The following SAA2 variants were observed in gnomAD, a reference collection of about 807,000 sequenced individuals.
SAA2 encodes the protein serum amyloid A2, also known as serum amyloid A-2 protein.
Under a neutral mutation model 9.1 loss-of-function variants are expected in SAA2, and 5 were observed. That is an observed-to-expected ratio of 0.55 (90% CI 0.29 to 1.16). SAA2 has a LOEUF of 1.16. Ranked by LOEUF, SAA2 falls within the 50% of genes most tolerant of loss-of-function variation. The pLI, the probability that SAA2 is intolerant of heterozygous loss-of-function variation, is 0.09. For synonymous variants in SAA2, 49 were observed against 59.8 expected (o/e 0.82, Z 0.83); for missense variants, 94 against 153.8 (o/e 0.61, Z 2.06).
downstream of SAA2, among the ~76,000 whole-genome samples, chr11:18,240,695 A>G (rs566100375): frequency 2.2e-4 from 33 of 152,194 alleles, no homozygotes; most frequent in Non-Finnish European, 4.6e-4. Flanking sequence ...ATGAAATTTT[A>G]TATCTCTCAT....
downstream of SAA2, chr11:18,242,922 G>A: frequency 1.5e-6 from 1 of 658,016 alleles, no homozygotes; most frequent in Non-Finnish European, 2.8e-6. Context: ...TTCTAACAGA[G>A]AGAAGCATGT....
At chr11:18,239,423 G>A in exon 4 of SAA2, 1 of 330,764 alleles carries the variant, frequency 3.0e-6, no homozygotes, top group Non-Finnish European at 5.5e-6. Context: ...GCTAGTTTTT[G>A]TATCCACACC....
intron 2 of SAA2, among the ~76,000 whole-genome samples, chr11:18,246,943 G>A (rs7127784): frequency 0.023 from 3,522 of 152,022 alleles, 30 homozygotes; most frequent in African/African-American, 0.081. Flanking sequence ...GTGATGCCAA[G>A]GTGTGTCTGA....
chr11:18,242,627 C>G (rs545416316), downstream of SAA2: 43 of 582,340 alleles, frequency 7.4e-5, no homozygotes, highest in African/African-American at 7.6e-4. Context: ...AGGCAGATCA[C>G]TTGAGCCCAG....
chr11:18,242,657 G>A (rs183284853), downstream of SAA2: 1,148 of 626,190 alleles, frequency 1.8e-3, no homozygotes, highest in Middle Eastern at 3.7e-3. Flanking sequence ...ACCAGCCTGG[G>A]TGACACGGCG....
intron 1 of SAA2, 78 bp from the exon 2 acceptor site, chr11:18,248,093 C>T: frequency 6.8e-7 from 1 of 1,478,546 alleles, no homozygotes; most frequent in Non-Finnish European, 9.3e-7. Flanking sequence ...CCGACGAGAG[C>T]CTGGTTATTT....
intron 3 of SAA2, 120 bp downstream of exon 3, chr11:18,245,790 G>A (rs1857500568): frequency 6.9e-7 from 1 of 1,441,764 alleles, no homozygotes; most frequent in Admixed American, 2.6e-5. Context: ...GCAGAGAGAG[G>A]GCAAGAAGAG....
intron 1 of SAA2, chr11:18,248,367 G>T (rs376024044): frequency 0.052 from 11,661 of 225,614 alleles, 589 homozygotes; most frequent in African/African-American, 0.17. Context: ...CACAAAGCAG[G>T]ATCATTATTT....
chr11:18,242,483 T>C (rs1857375193), downstream of SAA2: 33 of 393,220 alleles, frequency 8.4e-5, no homozygotes, highest in East Asian at 1.3e-3. Flanking sequence ...TAATCTCCTC[T>C]GGAAACACCC....
intron 3 of SAA2, 138 bp from the exon 4 acceptor site, chr11:18,245,653 C>A (rs568193056): frequency 4.2e-5 from 58 of 1,389,816 alleles, no homozygotes; most frequent in Non-Finnish European, 3.6e-5. Flanking sequence ...AAACACTGAC[C>A]CTGCCTGGGC....
At position 18,247,952 on chromosome 11, in the gene SAA2, G is replaced by A. The variant is rs141968490; in HGVS notation, c.60C>T (p.Ser20=). 6.2e-7 allele frequency: 1 copy of A among 1,613,800 alleles called. No homozygotes were observed. Among genetic ancestry groups the A allele is most frequent in the Non-Finnish European group, 8.5e-7 (1 of 1,179,836 alleles). Reference sequence around the variant, plus strand: ...AAGCCTCGCCAAGGAACGAAAAGAAGCTTCGGCTGCTGACACTCAGGACCA... The same window carrying A: ...AAGCCTCGCCAAGGAACGAAAAGAAACTTCGGCTGCTGACACTCAGGACCA... ...CSLVLSVSSR[S]FFSFLGEAFD... Residue 20 remains serine (S), a synonymous_variant, in exon 2 of 4, where the codon AGC becomes AGT. Coordinates refer to ENST00000256733, the MANE Select transcript of SAA2 (RefSeq NM_030754.5).
chr11:18,244,263 C>A (rs1291512444), downstream of SAA2, among the ~76,000 whole-genome samples: 1 of 152,210 alleles, frequency 6.6e-6, no homozygotes, highest in Non-Finnish European at 1.5e-5. Flanking sequence ...CAGAGCACTG[C>A]CACTTCCACA....
chr11:18,244,579 T>A (rs180740969), downstream of SAA2, among the ~76,000 whole-genome samples: 35 of 152,318 alleles, frequency 2.3e-4, no homozygotes, highest in Admixed American at 2.2e-3. Context: ...AATTTCCCTT[T>A]TCAAATTACT....
rs1474293102 is a variant in SAA2, at chr11:18,245,624, G to A, written c.231-109C>T. 6 of 1,464,094 alleles carry A rather than the reference G, an allele frequency of 4.1e-6. No individual in the cohort carries two copies. The African/African-American group carries it at 4.2e-5, about 10-fold the overall frequency. The allele number at this position is 1,464,094 out of a possible 1,614,324, so 90.7% of individuals were successfully genotyped here. A position where few individuals can be genotyped will look rare whatever the true frequency, so the allele number is the denominator to read the frequency against. Reference sequence around the variant, plus strand: ...AGGGCTCAGAGAGGAGCCCAGAAAGGCCAAGGAAGGAGGAGTGAAAACACT... The same window carrying A: ...AGGGCTCAGAGAGGAGCCCAGAAAGACCAAGGAAGGAGGAGTGAAAACACT... On this transcript the variant is annotated intron_variant, in intron 3 of 3. Transcript: ENST00000256733.
At chr11:18,243,562 C>A (rs1857411811), downstream of SAA2, among the ~76,000 whole-genome samples, 1 of 152,190 alleles carries the variant, frequency 6.6e-6, no homozygotes, top group Admixed American at 6.5e-5. Context: ...ATTTATCTTG[C>A]CCTTGCCTTG....
chr11:18,238,967 A>T (rs1857269114), downstream of SAA2, among the ~76,000 whole-genome samples: 1 of 152,106 alleles, frequency 6.6e-6, no homozygotes, highest in Non-Finnish European at 1.5e-5. Context: ...AATGACCTCC[A>T]GTTCCATCCT....
chr11:18,241,746 A>G (rs1857353227), downstream of SAA2, among the ~76,000 whole-genome samples: 1 of 152,180 alleles, frequency 6.6e-6, no homozygotes, highest in African/African-American at 2.4e-5. Flanking sequence ...CTGGAGACTC[A>G]GAAAGATGGA....
At chr11:18,239,797 C>A in exon 4 of SAA2, 1 of 927,340 alleles carries the variant, frequency 1.1e-6, no homozygotes, top group Non-Finnish European at 1.6e-6. Flanking sequence ...CAGTCTCCAT[C>A]CACATGCTGA....
chr11:18,242,652 C>T (rs1857381332), downstream of SAA2: 1 of 621,864 alleles, frequency 1.6e-6, no homozygotes, highest in Non-Finnish European at 2.9e-6. Context: ...TCAAGACCAG[C>T]CTGGGTGACA....
Sources: allele counts gnomAD v4.1 joint callset (sites outside exome capture counted in the v4.1 genomes callset), GRCh38; gene constraint gnomAD v4.1.1; transcripts MANE v1.5; gene names NCBI Gene and HGNC (gene_info 2026-07-23, HGNC 2026-07-21).